The following CAPS2 variants were observed in gnomAD, a reference collection of about 807,000 sequenced individuals.
CAPS2 encodes calcyphosin-2.
CAPS2 carries 98 observed loss-of-function variants against 86.5 expected under a neutral mutation model. That is an observed-to-expected ratio of 1.13 (90% confidence interval 0.96 to 1.34). The LOEUF is 1.34. CAPS2 is among the 40% of genes most tolerant of loss of function. The pLI, the probability that CAPS2 is intolerant of heterozygous loss-of-function variation, is 0.00. For missense variants in CAPS2, 729 were observed against 686.8 expected, an observed-to-expected ratio of 1.06 and a Z score of -0.69; for synonymous variants, 210 against 225.1, an observed-to-expected ratio of 0.93 and a Z score of 0.60.
chr12:75,369,956 T>C (rs2044249642), intron 1 of CAPS2: 1 of 1,126,348 alleles, frequency 8.9e-7, no homozygotes, highest in Non-Finnish European at 1.2e-6. Flanking sequence ...AATTTTTACT[T>C]TAGGGACTCC....
chr12:75,361,193 G>T (rs951525486), intron 1 of CAPS2, among the ~76,000 whole-genome samples: 1 of 151,806 alleles, frequency 6.6e-6, no homozygotes, highest in Admixed American at 6.6e-5. Context: ...TGGTCTGTTG[G>T]TATGCCAAAA....
At chr12:75,341,514 T>C (rs2042107073) in intron 1 of CAPS2, among the ~76,000 whole-genome samples, 1 of 152,152 alleles carries the variant, frequency 6.6e-6, no homozygotes, top group Non-Finnish European at 1.5e-5. Flanking sequence ...TGGCGCTGTC[T>C]CGGCTCACTG....
chr12:75,277,137 A>G (rs1237142681), downstream of CAPS2: 3 of 983,818 alleles, frequency 3.0e-6, no homozygotes, highest in East Asian at 2.3e-4. Context: ...GTGAATGCTT[A>G]TGTTAGGAAG....
At chr12:75,337,037 T>G (rs1460223220) in intron 1 of CAPS2, among the ~76,000 whole-genome samples, 1 of 151,634 alleles carries the variant, frequency 6.6e-6, no homozygotes, top group Non-Finnish European at 1.5e-5. Flanking sequence ...ATAATAGAGA[T>G]TACTATAATT....
chr12:75,327,248 C>T (rs534656155), upstream of CAPS2, among the ~76,000 whole-genome samples: 28 of 152,248 alleles, frequency 1.8e-4, no homozygotes, highest in African/African-American at 6.3e-4. Flanking sequence ...ATTTCCCAAA[C>T]CTTTATGAGT....
intron 1 of CAPS2, among the ~76,000 whole-genome samples, chr12:75,357,099 AGTATAAG>A (rs1329131017): frequency 6.6e-6 from 1 of 152,204 alleles, no homozygotes; most frequent in East Asian, 1.9e-4. Context: ...CTGAGGTGGT[AGTATAAG>A]TAAAGCCTAG....
intron 7 of CAPS2, chr12:75,306,024 T>C: frequency 6.8e-7 from 1 of 1,465,926 alleles, no homozygotes; most frequent in South Asian, 1.3e-5. Context: ...AGCCTCATTC[T>C]ACTTGAAGGG....
intron 9 of CAPS2, among the ~76,000 whole-genome samples, chr12:75,299,242 CAA>C (rs1310247296): frequency 6.6e-6 from 1 of 152,096 alleles, no homozygotes; most frequent in Non-Finnish European, 1.5e-5. Context: ...ACTTTTAAGA[CAA>C]TGTGAATTAT....
chr12:75,309,807 T>C (rs1172390431), intron 7 of CAPS2, among the ~76,000 whole-genome samples: 1 of 152,250 alleles, frequency 6.6e-6, no homozygotes, highest in East Asian at 1.9e-4. Flanking sequence ...TGAAAAAGGC[T>C]GGCATTTATA....
chr12:75,382,251 ATTTTC>A (rs2045038085), intron 1 of CAPS2, among the ~76,000 whole-genome samples: 1 of 152,218 alleles, frequency 6.6e-6, no homozygotes, highest in Non-Finnish European at 1.5e-5. Flanking sequence ...TCCCATGATC[ATTTTC>A]AGTAAATGTA....
chr12:75,287,880 A>T (rs1355028240), intron 14 of CAPS2, among the ~76,000 whole-genome samples: 1 of 152,026 alleles, frequency 6.6e-6, no homozygotes, highest in Non-Finnish European at 1.5e-5. Context: ...CTCTATGCAG[A>T]GTGTGTTGGG....
At chr12:75,385,758 C>T (rs1286330045) in intron 1 of CAPS2, among the ~76,000 whole-genome samples, 3 of 152,102 alleles carry the variant, frequency 2.0e-5, no homozygotes, top group Non-Finnish European at 4.4e-5. Flanking sequence ...TTGCAGGATA[C>T]GAGGTTAATA....
intron 14 of CAPS2, 47 bp downstream of exon 14, chr12:75,289,574 T>C: frequency 1.3e-6 from 2 of 1,528,100 alleles, no homozygotes; most frequent in Non-Finnish European, 8.8e-7. Context: ...TAATGCCACC[T>C]AAGAATAACA....
intron 7 of CAPS2, among the ~76,000 whole-genome samples, chr12:75,311,457 T>C (rs1412186295): frequency 1.3e-5 from 2 of 152,024 alleles, no homozygotes; most frequent in Non-Finnish European, 2.9e-5. Flanking sequence ...GAGAGGGCAA[T>C]AAAATTTCAG....
chr12:75,276,781 G>C (rs768632397), downstream of CAPS2: 26 of 888,258 alleles, frequency 2.9e-5, no homozygotes, highest in Admixed American at 6.2e-5. Flanking sequence ...AACTTACAAA[G>C]ACATAGAGAT....
intron 7 of CAPS2, among the ~76,000 whole-genome samples, chr12:75,307,859 A>G (rs2038693052): frequency 6.6e-6 from 1 of 152,218 alleles, no homozygotes; most frequent in African/African-American, 2.4e-5. Flanking sequence ...TATAAGGAAC[A>G]TAGGTGTCAT....
upstream of CAPS2, chr12:75,329,729 G>T (rs983297518): frequency 2.1e-6 from 2 of 940,392 alleles, no homozygotes; most frequent in Non-Finnish European, 3.0e-6. Context: ...CCAGATATCT[G>T]AATTGAAACT....
intron 1 of CAPS2, chr12:75,390,226 A>G: frequency 2.4e-6 from 1 of 411,928 alleles, no homozygotes; most frequent in Non-Finnish European, 4.8e-6. Context: ...GTTTTTGAGG[A>G]AAATGTTTGG....
chr12:75,303,231 G>C (rs2038034580), intron 8 of CAPS2, among the ~76,000 whole-genome samples: 1 of 152,064 alleles, frequency 6.6e-6, no homozygotes, highest in Non-Finnish European at 1.5e-5. Context: ...ACCTAATGTT[G>C]GGTAAAAGAA....
Sources: gnomAD v4.1 joint callset for allele counts (sites outside exome capture counted in the v4.1 genomes callset) on GRCh38, gnomAD v4.1.1 for gene constraint, MANE v1.5 for transcripts, NCBI Gene and HGNC (gene_info 2026-07-23, HGNC 2026-07-21) for gene names.